Variants in RBFOX1 observed in about 807,000 individuals in gnomAD.
The protein encoded by RBFOX1 is RNA binding fox-1 homolog 1, also known as RNA binding protein fox-1 homolog 1.
A neutral mutation model predicts 57.7 loss-of-function variants in RBFOX1; 8 were observed. That is an observed-to-expected ratio of 0.14 (90% CI 0.08 to 0.25). RBFOX1 has a LOEUF of 0.25. RBFOX1 is among the 10% of genes least tolerant of loss of function. The pLI is 1.00. For missense variants in RBFOX1, 611 were observed against 548.5 expected (o/e 1.11, Z -1.14); for synonymous variants, 326 against 222.4 (o/e 1.47, Z -4.15).
Position 6,447,456 on chromosome 16 carries a change from A to T in RBFOX1, c.-64+130399A>T, listed in dbSNP as rs149478008. 1.2e-4 allele frequency among the ~76,000 whole-genome samples: 19 copies of T among 152,330 alleles called. No individual in the cohort carries two copies. In the East Asian group the frequency reaches 1.7e-3, roughly 14 times the overall value. The stretch of plus-strand genomic sequence containing the variant: ...AATGAGGTAGGCGTTAAGTGGACTG[A>T]TATTACATTCTGAAACCTAGAATGA... On this transcript the variant is annotated intron_variant, in intron 2 of 15. Coordinates refer to ENST00000550418, the MANE Select transcript of RBFOX1 (RefSeq NM_018723.4).
chr16:6,590,461 C>G (rs764128393), intron 2 of RBFOX1, among the ~76,000 whole-genome samples: 1 of 152,156 alleles, frequency 6.6e-6, no homozygotes, highest in South Asian at 2.1e-4. Context: ...TACACAGTAG[C>G]AGGCCTGTAT....
intron 3 of RBFOX1, among the ~76,000 whole-genome samples, chr16:6,976,524 T>C (rs972603283): frequency 6.6e-6 from 1 of 151,730 alleles, no homozygotes; most frequent in African/African-American, 2.4e-5. Flanking sequence ...TTGGGGTGAG[T>C]CCACGGTGCA....
intron 2 of RBFOX1, among the ~76,000 whole-genome samples, chr16:6,343,441 T>C (rs2084873041): frequency 6.6e-6 from 1 of 152,324 alleles, no homozygotes; most frequent in Admixed American, 6.5e-5. Context: ...TCTTTCTACA[T>C]TGAAGAACTG....
chr16:6,733,035 A>C (rs1412169678), intron 3 of RBFOX1, among the ~76,000 whole-genome samples: 1 of 152,226 alleles, frequency 6.6e-6, no homozygotes, highest in African/African-American at 2.4e-5. Context: ...TCTTTTTAAA[A>C]ATTAACTTAT....
At chr16:5,591,778 G>T (rs76931085) in intron 2 of RBFOX1, among the ~76,000 whole-genome samples, 7,389 of 152,210 alleles carry the variant, frequency 0.049, 237 homozygotes, top group Non-Finnish European at 0.073. Flanking sequence ...TCTGAATAAT[G>T]GAATTTATGT....
intron 3 of RBFOX1, among the ~76,000 whole-genome samples, chr16:5,742,313 TC>T (rs2052803713): frequency 7.5e-6 from 1 of 133,042 alleles, no homozygotes; most frequent in Non-Finnish European, 1.6e-5. Context: ...CCTTCCTCCC[TC>T]CCTCCCTTCC....
chr16:5,858,552 A>C (rs1340493173), intron 3 of RBFOX1, among the ~76,000 whole-genome samples: 1 of 152,198 alleles, frequency 6.6e-6, no homozygotes, highest in Non-Finnish European at 1.5e-5. Context: ...CGTCTGCAAG[A>C]TAGACCTAAG....
At chr16:5,467,561 A>G (rs1178199070) in intron 2 of RBFOX1, among the ~76,000 whole-genome samples, 2 of 152,144 alleles carry the variant, frequency 1.3e-5, no homozygotes, top group African/African-American at 4.8e-5. Context: ...GCTTGCCTAT[A>G]TTTCATCATT....
At chr16:5,482,311 G>A (rs957348704) in intron 2 of RBFOX1, among the ~76,000 whole-genome samples, 8 of 152,274 alleles carry the variant, frequency 5.3e-5, no homozygotes, top group African/African-American at 1.9e-4. Context: ...GGAGTGTGAT[G>A]CACACCATTC....
chr16:7,537,687 T>G (rs2081861486), intron 5 of RBFOX1, among the ~76,000 whole-genome samples: 1 of 152,180 alleles, frequency 6.6e-6, no homozygotes, highest in South Asian at 2.1e-4. Context: ...GCTTCTAACG[T>G]GATTTCATCC....
intron 3 of RBFOX1, among the ~76,000 whole-genome samples, chr16:7,011,248 A>G (rs990226784): frequency 6.6e-6 from 1 of 152,178 alleles, no homozygotes; most frequent in Non-Finnish European, 1.5e-5. Context: ...GGCTTTTGCA[A>G]CATTAACTTA....
chr16:7,425,318 A>G (rs534616864), intron 4 of RBFOX1, among the ~76,000 whole-genome samples: 7 of 152,144 alleles, frequency 4.6e-5, no homozygotes, highest in East Asian at 1.9e-4. Flanking sequence ...CAAGGGGTCT[A>G]TTTGATGAGT....
At chr16:6,251,506 T>A (rs906361324) in intron 1 of RBFOX1, among the ~76,000 whole-genome samples, 48 of 152,218 alleles carry the variant, frequency 3.2e-4, no homozygotes, top group East Asian at 1.9e-4. Flanking sequence ...TAGATATTTA[T>A]TATACATGGG....
intron 4 of RBFOX1, among the ~76,000 whole-genome samples, chr16:7,253,056 C>T (rs1603449211): frequency 6.6e-6 from 1 of 152,276 alleles, no homozygotes; most frequent in South Asian, 2.1e-4. Flanking sequence ...CCATCTTTTT[C>T]ATTTACGCTC....
intron 4 of RBFOX1, among the ~76,000 whole-genome samples, chr16:5,985,823 G>A (rs181413308): frequency 2.6e-5 from 4 of 152,150 alleles, no homozygotes; most frequent in African/African-American, 4.8e-5. Flanking sequence ...CTCTGGGGGC[G>A]CACAGAAAGG....
At chr16:7,203,663 C>T (rs1272566299) in intron 4 of RBFOX1, among the ~76,000 whole-genome samples, 2 of 152,202 alleles carry the variant, frequency 1.3e-5, no homozygotes, top group Non-Finnish European at 2.9e-5. Context: ...GATAGGGTCC[C>T]TCTATGTGTG....
At chr16:6,128,096 A>G (rs2096603253) in intron 1 of RBFOX1, among the ~76,000 whole-genome samples, 1 of 152,182 alleles carries the variant, frequency 6.6e-6, no homozygotes. Context: ...GATGAAATTG[A>G]GGCATATCTC....
intron 4 of RBFOX1, among the ~76,000 whole-genome samples, chr16:7,370,052 C>A (rs1005124391): frequency 1.3e-5 from 2 of 152,184 alleles, no homozygotes; most frequent in Admixed American, 1.3e-4. Context: ...AGACTATTGA[C>A]ATTTTCAAGC....
intron 3 of RBFOX1, among the ~76,000 whole-genome samples, chr16:5,859,104 C>A (rs1178415356): frequency 1.3e-5 from 2 of 152,138 alleles, no homozygotes; most frequent in African/African-American, 4.8e-5. Context: ...ACTTGGGAGA[C>A]TGAGGCATAA....
Sources: gnomAD v4.1 joint callset for allele counts (sites outside exome capture counted in the v4.1 genomes callset) on GRCh38, gnomAD v4.1.1 for gene constraint, MANE v1.5 for transcripts, NCBI Gene and HGNC (gene_info 2026-07-23, HGNC 2026-07-21) for gene names.